Variants in DST observed in about 807,000 individuals in gnomAD.
DST encodes the protein dystonin.
Under a neutral mutation model 875.2 loss-of-function variants are expected in DST, and 253 were observed. The observed-to-expected ratio is 0.29, with a 90% CI of 0.26 to 0.32. DST has a LOEUF of 0.32. Among genes scored for constraint, DST ranks in the 10% least tolerant of loss-of-function variants. DST has a pLI of 1.00. For synonymous variants in DST, 3,124 were observed against 3,197.1 expected, an observed-to-expected ratio of 0.98 and a Z score of 0.77; for missense variants, 8,287 against 9,111.6, an observed-to-expected ratio of 0.91 and a Z score of 3.68.
intron 97 of DST, among the ~76,000 whole-genome samples, chr6:56,469,626 T>A (rs2094781314): frequency 6.6e-6 from 1 of 152,166 alleles, no homozygotes; most frequent in African/African-American, 2.4e-5. Context: ...ATATGAGATT[T>A]GAGTATTTTC....
chr6:56,478,404 A>G (rs1463075837), intron 90 of DST, among the ~76,000 whole-genome samples: 1 of 152,192 alleles, frequency 6.6e-6, no homozygotes, highest in Non-Finnish European at 1.5e-5. Context: ...TTAAAATGCC[A>G]GTAAGAGCCA....
chr6:56,713,401 A>AACACAC (rs140642046), intron 5 of DST, among the ~76,000 whole-genome samples: 1 of 151,568 alleles, frequency 6.6e-6, no homozygotes, highest in East Asian at 1.9e-4. Context: ...CTATAATCTC[A>AACACAC]ACACACACAC....
At chr6:56,705,018 C>A (rs2099327977) in intron 5 of DST, among the ~76,000 whole-genome samples, 1 of 152,186 alleles carries the variant, frequency 6.6e-6, no homozygotes, top group African/African-American at 2.4e-5. Context: ...ACTCAACCTA[C>A]AATAGCTTTC....
At chr6:56,469,289 C>T (rs1381235988) in intron 97 of DST, among the ~76,000 whole-genome samples, 1 of 151,158 alleles carries the variant, frequency 6.6e-6, no homozygotes, top group Non-Finnish European at 1.5e-5. Context: ...AGAAGTAGCA[C>T]ACTGTATTGG....
chr6:56,842,800 T>A (rs904925706), intron 4 of DST, among the ~76,000 whole-genome samples: 1 of 152,132 alleles, frequency 6.6e-6, no homozygotes, highest in African/African-American at 2.4e-5. Context: ...GAAAACGCAA[T>A]GTGCTTCTTG....
intron 4 of DST, among the ~76,000 whole-genome samples, chr6:56,740,720 C>T (rs1421476873): frequency 6.6e-6 from 1 of 152,154 alleles, no homozygotes; most frequent in Non-Finnish European, 1.5e-5. Flanking sequence ...CTTTGGACAA[C>T]TGATTGCAAA....
chr6:56,539,623 C>T (rs77367727), intron 61 of DST, among the ~76,000 whole-genome samples: 6,524 of 152,206 alleles, frequency 0.043, 165 homozygotes, highest in African/African-American at 0.068. Context: ...AGTACCAAAA[C>T]AGCTGAACTT....
intron 5 of DST, among the ~76,000 whole-genome samples, chr6:56,720,423 A>C (rs1056276481): frequency 6.7e-6 from 1 of 150,012 alleles, no homozygotes; most frequent in Non-Finnish European, 1.5e-5. Context: ...GCAGGGTCAT[A>C]GGACAATAGT....
At chr6:56,477,206 A>G (rs539509405) in intron 91 of DST, 139 bp downstream of exon 91, 609 of 911,306 alleles carry the variant, frequency 6.7e-4, no homozygotes, top group Admixed American at 9.1e-4. Context: ...TGCATACAAG[A>G]AGCGTATTTA....
chr6:56,616,207 A>G lies in DST; in HGVS notation c.4930-1723T>C, dbSNP rs1292788593. The G allele has an allele frequency of 1.5e-5, 24 of 1,614,158 alleles. No individual in the cohort carries two copies. The highest frequency in any genetic ancestry group is 2.0e-5 in the Non-Finnish European group (24 of 1,180,026). On this transcript the variant is annotated intron_variant, in intron 36 of 103. Transcript: ENST00000680361. Reference sequence around the variant, plus strand: ...CTGTAAGTGTGATGAGGCCTTCCTGATACTTTTTGACCAAGGCTTTGTCAA... The same window carrying G: ...CTGTAAGTGTGATGAGGCCTTCCTGGTACTTTTTGACCAAGGCTTTGTCAA...
At chr6:56,634,346 C>T (rs560869938) in intron 26 of DST, 88 bp from the exon 27 acceptor site, 9 of 1,606,766 alleles carry the variant, frequency 5.6e-6, no homozygotes, top group Admixed American at 3.3e-5. Context: ...AAATATTCCA[C>T]GGATGAGTTC....
intron 90 of DST, among the ~76,000 whole-genome samples, chr6:56,478,436 C>T (rs2095285357): frequency 6.6e-6 from 1 of 152,174 alleles, no homozygotes; most frequent in Non-Finnish European, 1.5e-5. Context: ...TCTGGCAGTT[C>T]TAGCCAGTCT....
chr6:56,479,634 C>G (rs1405311500), intron 90 of DST, among the ~76,000 whole-genome samples: 2 of 152,120 alleles, frequency 1.3e-5, no homozygotes, highest in African/African-American at 2.4e-5. Flanking sequence ...CAGCAACATG[C>G]ATAGAGCTGG....
At chr6:56,566,424 CCTCACAGCTTCCCTTGGCT>C (rs1440378911) in intron 55 of DST, among the ~76,000 whole-genome samples, 5 of 152,218 alleles carry the variant, frequency 3.3e-5, no homozygotes, top group Middle Eastern at 3.4e-3. Context: ...TGGCACAGTC[CCTCACAGCTTCCCTTGGCT>C]AGGCAGGGAA....
At chr6:56,804,155 T>C (rs1337637551) in intron 4 of DST, among the ~76,000 whole-genome samples, 1 of 152,176 alleles carries the variant, frequency 6.6e-6, no homozygotes, top group Non-Finnish European at 1.5e-5. Context: ...CATAATTAAG[T>C]AGTAAAACAT....
intron 63 of DST, among the ~76,000 whole-genome samples, chr6:56,534,107 G>A (rs1422693493): frequency 2.6e-5 from 4 of 151,898 alleles, no homozygotes; most frequent in African/African-American, 7.3e-5. Flanking sequence ...TAGCAACTTT[G>A]AAATATACAG....
Position 56,608,701 on chromosome 6 carries a change from CCTT to C in DST, c.5924_5926del (p.Glu1975del). On this transcript the variant is annotated inframe_deletion, in exon 40 of 104. Coordinates refer to ENST00000680361, the MANE Select transcript of DST (RefSeq NM_001374736.1). ...AAACATGGTTTCACGGTCTATGAGA[CCTT>C]CATGAGCTGCTCTTAAAATGCTTAT... is the stretch of plus-strand genomic sequence containing the variant. 6.2e-7 allele frequency: 1 copy of C among 1,612,514 alleles called. No homozygotes were observed. Among genetic ancestry groups the C allele is most frequent in the Non-Finnish European group, 8.5e-7 (1 of 1,179,290 alleles).
chr6:56,901,243 C>T (rs1342740513), intron 2 of DST, among the ~76,000 whole-genome samples: 3 of 152,210 alleles, frequency 2.0e-5, no homozygotes, highest in Non-Finnish European at 4.4e-5. Flanking sequence ...ACTGTTCTAA[C>T]CTACAAAATG....
At chr6:56,524,169 A>G (rs1223184404) in intron 69 of DST, among the ~76,000 whole-genome samples, 1 of 152,166 alleles carries the variant, frequency 6.6e-6, no homozygotes, top group Non-Finnish European at 1.5e-5. Flanking sequence ...TTTCAGGGAT[A>G]TATTAGCTTC....
Sources: allele counts gnomAD v4.1 joint callset (sites outside exome capture counted in the v4.1 genomes callset), GRCh38; gene constraint gnomAD v4.1.1; transcripts MANE v1.5; gene names NCBI Gene and HGNC (gene_info 2026-07-23, HGNC 2026-07-21).